CDYL: variants seen among roughly 807,000 people sequenced by gnomAD.
CDYL encodes chromodomain Y-like protein.
A neutral mutation model predicts 47.3 loss-of-function variants in CDYL; 8 were observed. The observed-to-expected ratio is 0.17, with a 90% confidence interval of 0.10 to 0.31. CDYL has a LOEUF of 0.31. Among genes scored for constraint, CDYL ranks in the 10% least tolerant of loss-of-function variants. CDYL has a pLI of 1.00. For missense variants in CDYL, 471 were observed against 701.4 expected, an observed-to-expected ratio of 0.67 and a Z score of 3.71; for synonymous variants, 266 against 265.0, an observed-to-expected ratio of 1.00 and a Z score of -0.04.
chr6:4,878,768 T>G (rs1316837368), intron 1 of CDYL, among the ~76,000 whole-genome samples: 1 of 152,144 alleles, frequency 6.6e-6, no homozygotes, highest in African/African-American at 2.4e-5. Flanking sequence ...TTCTAATTTA[T>G]TTCTGTTCCT....
At chr6:4,756,175 C>G (rs1337181622) in intron 3 of CDYL, among the ~76,000 whole-genome samples, 1 of 152,202 alleles carries the variant, frequency 6.6e-6, no homozygotes, top group African/African-American at 2.4e-5. Flanking sequence ...ACTGAACAAC[C>G]TTTCAGAAGG....
At chr6:4,850,737 T>C (rs1259644120) in intron 1 of CDYL, among the ~76,000 whole-genome samples, 1 of 152,252 alleles carries the variant, frequency 6.6e-6, no homozygotes, top group Non-Finnish European at 1.5e-5. Context: ...TCTAAGTTGA[T>C]GAAATGCTGA....
At chr6:4,776,300 C>T (rs1406294190), upstream of CDYL, 1 of 146,014 alleles carries the variant, frequency 6.8e-6, no homozygotes, top group Admixed American at 6.8e-5. Flanking sequence ...GCCGCCGCCC[C>T]GCCCCTCCCG....
intron 2 of CDYL, among the ~76,000 whole-genome samples, chr6:4,899,369 CA>C (rs1234980704): frequency 3.9e-5 from 6 of 152,180 alleles, no homozygotes; most frequent in Non-Finnish European, 7.3e-5. Flanking sequence ...GAGGTCTCCA[CA>C]CAAAAGAGGA....
chr6:4,783,371 A>G (rs1363482445), intron 1 of CDYL, among the ~76,000 whole-genome samples: 1 of 150,824 alleles, frequency 6.6e-6, no homozygotes, highest in Non-Finnish European at 1.5e-5. Flanking sequence ...CCTTCTGAAG[A>G]TGGTGCTCCA....
chr6:4,916,248 G>A (rs1225283157), intron 2 of CDYL, among the ~76,000 whole-genome samples: 5 of 152,190 alleles, frequency 3.3e-5, no homozygotes, highest in Middle Eastern at 3.2e-3. Context: ...ATACTTTCTA[G>A]TCTACAGAAT....
At chr6:4,745,600 A>AAAGTT (rs1757879911) in intron 3 of CDYL, among the ~76,000 whole-genome samples, 1 of 152,124 alleles carries the variant, frequency 6.6e-6, no homozygotes, top group Non-Finnish European at 1.5e-5. Context: ...ATTAAAAAAA[A>AAAGTT]AAAGTTAAAT....
At chr6:4,751,826 A>G (rs568014982) in intron 3 of CDYL, among the ~76,000 whole-genome samples, 1 of 152,390 alleles carries the variant, frequency 6.6e-6, no homozygotes, top group Admixed American at 6.5e-5. Flanking sequence ...CTTGACTTTC[A>G]GTCCTTGTAA....
intron 1 of CDYL, among the ~76,000 whole-genome samples, chr6:4,794,718 A>G (rs1207998743): frequency 6.6e-6 from 1 of 152,118 alleles, no homozygotes. Flanking sequence ...ATGTTTTGTT[A>G]TGAACCTTTT....
chr6:4,950,222 T>G (rs895410348), intron 5 of CDYL, among the ~76,000 whole-genome samples: 1 of 152,106 alleles, frequency 6.6e-6, no homozygotes, highest in Non-Finnish European at 1.5e-5. Flanking sequence ...GCCAGGGCCC[T>G]GCAGGAAGGG....
At chr6:4,915,096 C>T (rs1269590980) in intron 2 of CDYL, among the ~76,000 whole-genome samples, 2 of 152,224 alleles carry the variant, frequency 1.3e-5, no homozygotes, top group Non-Finnish European at 2.9e-5. Context: ...TAGGCATAAC[C>T]ACAGTCTACT....
chr6:4,766,412 T>C (rs928577249), intron 3 of CDYL, among the ~76,000 whole-genome samples: 2 of 152,040 alleles, frequency 1.3e-5, no homozygotes, highest in Non-Finnish European at 2.9e-5. Flanking sequence ...GGTTTCACCA[T>C]GTTAGCCAGG....
intron 1 of CDYL, among the ~76,000 whole-genome samples, chr6:4,820,138 G>A (rs531974377): frequency 2.0e-5 from 3 of 152,312 alleles, no homozygotes; most frequent in Admixed American, 6.5e-5. Context: ...AGAGCTCTTA[G>A]AGCCACAGAT....
chr6:4,830,621 A>G (rs1760110615), intron 1 of CDYL, among the ~76,000 whole-genome samples: 1 of 151,924 alleles, frequency 6.6e-6, no homozygotes, highest in Non-Finnish European at 1.5e-5. Flanking sequence ...TCATTATTAT[A>G]CTTTAAGTTT....
At chr6:4,724,977 G>A (rs189277612) in intron 2 of CDYL, 4 of 152,300 alleles carry the variant, frequency 2.6e-5, no homozygotes, top group Admixed American at 1.3e-4. Flanking sequence ...CAATTGGTCT[G>A]TTTTACAGAG....
chr6:4,724,857 A>G (rs144776051), intron 2 of CDYL: 12 of 151,992 alleles, frequency 7.9e-5, no homozygotes, highest in African/African-American at 2.7e-4. Flanking sequence ...AAGCTTCCAA[A>G]CCGTGGAAAA....
chr6:4,708,676 T>A (rs949283179), intron 1 of CDYL, among the ~76,000 whole-genome samples: 4 of 152,212 alleles, frequency 2.6e-5, no homozygotes, highest in Non-Finnish European at 4.4e-5. Context: ...ATAAATCTTA[T>A]ATGCATATTT....
At chr6:4,797,721 A>C (rs1364758985) in intron 1 of CDYL, among the ~76,000 whole-genome samples, 2 of 152,198 alleles carry the variant, frequency 1.3e-5, no homozygotes, top group Non-Finnish European at 2.9e-5. Flanking sequence ...TTCACTTAGC[A>C]GAATGTTTCC....
chr6:4,751,058 T>C (rs1255422995), intron 3 of CDYL, among the ~76,000 whole-genome samples: 8 of 151,980 alleles, frequency 5.3e-5, no homozygotes, highest in African/African-American at 1.5e-4. Context: ...GGTTTCACCA[T>C]GTTAGCCAGG....
Sources: allele counts gnomAD v4.1 joint callset (sites outside exome capture counted in the v4.1 genomes callset), GRCh38; gene constraint gnomAD v4.1.1; transcripts MANE v1.5; gene names NCBI Gene and HGNC (gene_info 2026-07-23, HGNC 2026-07-21).